Variants in SLC27A2 observed in about 807,000 individuals in gnomAD.
SLC27A2 encodes long-chain fatty acid transport protein 2.
In SLC27A2, 54 loss-of-function variants were observed where a neutral mutation model predicts 60.0. The ratio of observed to expected loss-of-function variants is 0.90; its 90% CI spans 0.72 to 1.13. The LOEUF is 1.13. Ranked by LOEUF, SLC27A2 falls within the 50% of genes most tolerant of loss-of-function variation. SLC27A2 has a pLI of 0.00. For missense variants in SLC27A2, 739 were observed against 777.6 expected, an observed-to-expected ratio of 0.95 and a Z score of 0.59; for synonymous variants, 297 against 297.6, an observed-to-expected ratio of 1.00 and a Z score of 0.02.
intron 4 of SLC27A2, among the ~76,000 whole-genome samples, chr15:50,212,580 T>A (rs2045166157): frequency 6.6e-6 from 1 of 152,074 alleles, no homozygotes; most frequent in Non-Finnish European, 1.5e-5. Context: ...CCTATTAGAT[T>A]AACAGATTTC....
At chr15:50,208,083 G>A (rs886535065) in intron 4 of SLC27A2, among the ~76,000 whole-genome samples, 3 of 152,134 alleles carry the variant, frequency 2.0e-5, no homozygotes, top group Admixed American at 6.5e-5. Context: ...CCCCACCAGC[G>A]ACCCCCAAGC....
At chr15:50,219,219 A>G (rs1435446500) in intron 4 of SLC27A2, among the ~76,000 whole-genome samples, 2 of 152,228 alleles carry the variant, frequency 1.3e-5, no homozygotes, top group African/African-American at 4.8e-5. Context: ...AAAGAAGTAT[A>G]AGCATTTAAT....
intron 1 of SLC27A2, among the ~76,000 whole-genome samples, chr15:50,188,755 T>C (rs1305065676): frequency 6.6e-6 from 1 of 152,024 alleles, no homozygotes; most frequent in Non-Finnish European, 1.5e-5. Flanking sequence ...AGTTCAGGAG[T>C]TGGAGACCAG....
intron 4 of SLC27A2, among the ~76,000 whole-genome samples, chr15:50,210,242 C>T (rs1295604681): frequency 6.6e-6 from 1 of 152,166 alleles, no homozygotes; most frequent in African/African-American, 2.4e-5. Context: ...AACCAGCAAC[C>T]CCAAGAGGAC....
At chr15:50,232,410 AATTAT>A (rs60813467) in intron 8 of SLC27A2, among the ~76,000 whole-genome samples, 18,205 of 151,926 alleles carry the variant, frequency 0.12, 1,110 homozygotes, top group Middle Eastern at 0.15. Flanking sequence ...CATAATATTT[AATTAT>A]AATTTATTTT....
At chr15:50,188,853 C>G (rs553347539) in intron 1 of SLC27A2, among the ~76,000 whole-genome samples, 11 of 152,164 alleles carry the variant, frequency 7.2e-5, no homozygotes, top group Middle Eastern at 6.8e-3. Context: ...CCAGCTACTC[C>G]GGAGGCTGAG....
chr15:50,182,375 A>T lies in SLC27A2; in HGVS notation c.-53A>T. The T allele has an allele frequency of 6.9e-7, 1 of 1,448,360 alleles. No individual in the cohort carries two copies. Among genetic ancestry groups the T allele is most frequent in the Non-Finnish European group, 9.1e-7 (1 of 1,103,118 alleles). The allele number at this position is 1,448,360 out of a possible 1,614,324, so 89.7% of individuals were successfully genotyped here. A position where few individuals can be genotyped will look rare whatever the true frequency, so the allele number is the denominator to read the frequency against. ...GGAGCCCGCCCAGTCGCCGCGCTGC[A>T]CGCCCGGGGTGAACCCTCTGCCCTC... On this transcript the variant is annotated 5_prime_UTR_variant, in exon 1 of 10. Transcript: ENST00000267842.
At chr15:50,186,443 GTT>G (rs2044923472) in intron 1 of SLC27A2, among the ~76,000 whole-genome samples, 1 of 151,812 alleles carries the variant, frequency 6.6e-6, no homozygotes, top group African/African-American at 2.4e-5. Context: ...TTGTTTGTTT[GTT>G]TGTTTGTTTT....
At chr15:50,228,461 C>G (rs1340741849) in intron 7 of SLC27A2, among the ~76,000 whole-genome samples, 1 of 150,442 alleles carries the variant, frequency 6.6e-6, no homozygotes, top group Non-Finnish European at 1.5e-5. Flanking sequence ...CTGGTTGGGC[C>G]TTAACATTAG....
In SLC27A2 at chr15:50,235,905, T is replaced by C; in HGVS notation, c.1687-15T>C. 1 of 1,600,226 alleles carries C rather than the reference T, an allele frequency of 6.2e-7. No homozygotes were observed. Among genetic ancestry groups the C allele is most frequent in the Non-Finnish European group, 8.5e-7 (1 of 1,170,026 alleles). ...CAAAATGCAACCAAAATGTGGATTA[T>C]TTGATGTTTTTCAGGACACCATTGA... On this transcript the variant is annotated splice_polypyrimidine_tract_variant and intron_variant, in intron 9 of 9. Coordinates refer to ENST00000267842, the MANE Select transcript of SLC27A2 (RefSeq NM_003645.4).
Position 50,182,314 on chromosome 15 carries a change from G to A in SLC27A2, c.-114G>A, listed in dbSNP as rs2044860175. 7.5e-7 allele frequency: 1 copy of A among 1,324,574 alleles called. No homozygotes were observed. Among genetic ancestry groups the A allele is most frequent in the African/African-American group, 1.6e-5 (1 of 64,432 alleles). 82.1% of individuals were successfully genotyped at this position (1,324,574 alleles called of 1,614,324 possible). A position where few individuals can be genotyped will look rare whatever the true frequency, so the allele number is the denominator to read the frequency against. On this transcript the variant is annotated 5_prime_UTR_variant, in exon 1 of 10. Transcript: ENST00000267842. The stretch of plus-strand genomic sequence containing the variant: ...TCATCTCACGCGAGCCCGGCGTCCC[G>A]CCGCGTGCGCCCCGGCGCAGCCCGC...
At chr15:50,224,818 A>T (rs966693312) in intron 5 of SLC27A2, among the ~76,000 whole-genome samples, 2 of 152,232 alleles carry the variant, frequency 1.3e-5, no homozygotes, top group Non-Finnish European at 2.9e-5. Context: ...ATGCAGACAG[A>T]GAATATTTCC....
At chr15:50,194,497 C>A (rs141717751) in intron 1 of SLC27A2, among the ~76,000 whole-genome samples, 12 of 152,176 alleles carry the variant, frequency 7.9e-5, no homozygotes, top group Admixed American at 5.2e-4. Flanking sequence ...GAGGCACCTC[C>A]GGTCCTCCCG....
intron 5 of SLC27A2, among the ~76,000 whole-genome samples, chr15:50,224,654 T>C (rs2045267400): frequency 6.6e-6 from 1 of 152,208 alleles, no homozygotes; most frequent in Non-Finnish European, 1.5e-5. Flanking sequence ...CACAGTCCTC[T>C]AGACCTGCGC....
At position 50,212,739 on chromosome 15, in the gene SLC27A2, T is replaced by C. The variant is rs138708501; in HGVS notation, c.972+7376T>C. 5.9e-5 allele frequency among the ~76,000 whole-genome samples: 9 copies of C among 152,342 alleles called. No individual in the cohort carries two copies. In the East Asian group the frequency reaches 1.7e-3, roughly 29 times the overall value. On this transcript the variant is annotated intron_variant, in intron 4 of 9. Transcript: ENST00000267842. ...CAGTCGTTTTCAGACAAACAAATGC[T>C]GAGAGAATTCGCCATTACCACGTTA...
intron 4 of SLC27A2, among the ~76,000 whole-genome samples, chr15:50,215,356 G>A (rs1056803270): frequency 4.6e-5 from 7 of 152,196 alleles, no homozygotes; most frequent in Middle Eastern, 6.8e-3. Flanking sequence ...TCATGGCTGG[G>A]TAGAATCAAT....
chr15:50,231,268 C>T (rs2045315019), intron 8 of SLC27A2, among the ~76,000 whole-genome samples: 1 of 151,888 alleles, frequency 6.6e-6, no homozygotes, highest in Non-Finnish European at 1.5e-5. Context: ...CTGCCTCAGC[C>T]TCCTGAGTAG....
chr15:50,236,242 CAGTT>C lies in SLC27A2; in HGVS notation c.*147_*150del, dbSNP rs2140917693. The C allele has an allele frequency of 1.8e-6, 1 of 544,652 alleles. No individual in the cohort carries two copies. Among genetic ancestry groups the C allele is most frequent in the South Asian group, 4.1e-5 (1 of 24,328 alleles). 33.7% of individuals were successfully genotyped at this position (544,652 alleles called of 1,614,324 possible). On this transcript the variant is annotated 3_prime_UTR_variant, in exon 10 of 10. Transcript: ENST00000267842. ...CGTAAAGGGAGACTTTTTTAAATAA[CAGTT>C]GAGTCTTTGCAAGTAAAAAGATTTA...
At chr15:50,235,800 T>C in intron 9 of SLC27A2, 120 bp from the exon 10 acceptor site, 1 of 644,462 alleles carries the variant, frequency 1.6e-6, no homozygotes, top group Non-Finnish European at 2.6e-6. Context: ...TTCCCAGCTC[T>C]CACATGAGCC....
Sources: allele counts gnomAD v4.1 joint callset (sites outside exome capture counted in the v4.1 genomes callset), GRCh38; gene constraint gnomAD v4.1.1; transcripts MANE v1.5; gene names NCBI Gene and HGNC (gene_info 2026-07-23, HGNC 2026-07-21).